Variants in KMT2C observed in about 807,000 individuals in gnomAD.
KMT2C encodes lysine methyltransferase 2C.
Under a neutral mutation model 507.9 loss-of-function variants are expected in KMT2C, and 88 were observed. The observed-to-expected ratio is 0.17, with a 90% CI of 0.15 to 0.21. KMT2C has a LOEUF of 0.21. Ranked by LOEUF, KMT2C falls within the 10% of genes least tolerant of loss-of-function variation. The pLI, the probability that KMT2C is intolerant of heterozygous loss-of-function variation, is 1.00. For missense variants in KMT2C, 4,954 were observed against 5,957.8 expected, an observed-to-expected ratio of 0.83 and a Z score of 5.55; for synonymous variants, 2,049 against 2,080.8, an observed-to-expected ratio of 0.98 and a Z score of 0.42.
intron 1 of KMT2C, among the ~76,000 whole-genome samples, chr7:152,430,866 T>G (rs2097857547): frequency 6.6e-6 from 1 of 152,106 alleles, no homozygotes; most frequent in Non-Finnish European, 1.5e-5. Context: ...ACTGACCAAT[T>G]TTCACCTTGG....
At chr7:152,262,514 C>T (rs546681218) in intron 9 of KMT2C, among the ~76,000 whole-genome samples, 12 of 152,296 alleles carry the variant, frequency 7.9e-5, no homozygotes, top group Non-Finnish European at 8.8e-5. Context: ...ATGAGCTCAT[C>T]GGCATTTTTT....
At chr7:152,435,003 G>C (rs2097903132) in intron 1 of KMT2C, among the ~76,000 whole-genome samples, 1 of 152,156 alleles carries the variant, frequency 6.6e-6, no homozygotes. Context: ...CGGGAGTGCG[G>C]TGCTGGGTGT....
chr7:152,419,534 A>C (rs889756132), intron 1 of KMT2C, among the ~76,000 whole-genome samples: 2 of 152,200 alleles, frequency 1.3e-5, no homozygotes, highest in African/African-American at 4.8e-5. Context: ...ACATGCAAAA[A>C]ATCATTAGTT....
chr7:152,286,677 G>A (rs1193088796), intron 6 of KMT2C, among the ~76,000 whole-genome samples: 4 of 152,034 alleles, frequency 2.6e-5, no homozygotes, highest in South Asian at 2.1e-4. Flanking sequence ...ACCCTTAGCC[G>A]TGATACATAA....
intron 23 of KMT2C, among the ~76,000 whole-genome samples, chr7:152,215,428 G>A (rs2094549161): frequency 6.7e-6 from 1 of 148,728 alleles, no homozygotes; most frequent in African/African-American, 2.5e-5. Flanking sequence ...GCAGGAGAAT[G>A]GCGTGAACCC....
Position 152,163,702 on chromosome 7 carries a change from G to A in KMT2C, c.9875C>T (p.Pro3292Leu), listed in dbSNP as rs965835568. ...PSVQPQPPLI[P>L]GATPPTMSQP... ...GCTCATGGTGGGTGGAGTGGCACCTGGAATTAGGGGTGGCTGGGGCTGGAC... is the reference window on the plus strand; with the variant it reads ...GCTCATGGTGGGTGGAGTGGCACCTAGAATTAGGGGTGGCTGGGGCTGGAC... Residue 3292 changes from proline (P) to leucine (L), a missense_variant, in exon 43 of 59, where the codon CCA (proline) becomes CTA (leucine). By Grantham distance (98) the Pro-to-Leu change is moderately conservative (BLOSUM62 -3). Transcript: ENST00000262189. The A allele has an allele frequency of 2.5e-6, 4 of 1,614,096 alleles. No homozygotes were observed. In the Admixed American group the frequency reaches 5.0e-5, roughly 20 times the overall value.
At chr7:152,278,361 A>T (rs1245158535) in intron 6 of KMT2C, among the ~76,000 whole-genome samples, 2 of 151,776 alleles carry the variant, frequency 1.3e-5, no homozygotes, top group Non-Finnish European at 2.9e-5. Flanking sequence ...GCTCACTGCA[A>T]CCTCTGCCCC....
rs189448070 is a variant in KMT2C, at chr7:152,192,399, G to A, written c.4660+1610C>T. ...CTACTAAAAATACAAAAAATTAGCCGGGCACAGTGGCAGGCACCTGTAATC... is the reference window on the plus strand; with the variant it reads ...CTACTAAAAATACAAAAAATTAGCCAGGCACAGTGGCAGGCACCTGTAATC... On this transcript the variant is annotated intron_variant, in intron 31 of 58. Coordinates refer to ENST00000262189, the MANE Select transcript of KMT2C (RefSeq NM_170606.3). Among the ~76,000 whole-genome samples, 864 of 151,984 alleles carry A rather than the reference G, an allele frequency of 5.7e-3. 3 individuals carry two copies. Among genetic ancestry groups the A allele is most frequent in the Non-Finnish European group, 8.0e-3 (542 of 67,948 alleles).
At chr7:152,222,348 T>A (rs534432648) in intron 21 of KMT2C, among the ~76,000 whole-genome samples, 1 of 152,228 alleles carries the variant, frequency 6.6e-6, no homozygotes, top group African/African-American at 2.4e-5. Flanking sequence ...AAAATTATAG[T>A]TTACATCTAA....
intron 27 of KMT2C, among the ~76,000 whole-genome samples, chr7:152,196,317 T>C (rs1479675375): frequency 6.6e-6 from 1 of 151,930 alleles, no homozygotes; most frequent in Non-Finnish European, 1.5e-5. Context: ...GAAAAAAAAG[T>C]TTTTCATTAA....
intron 13 of KMT2C, 62 bp downstream of exon 13, chr7:152,249,814 T>C (rs2095535974): frequency 1.9e-6 from 2 of 1,034,994 alleles, no homozygotes; most frequent in African/African-American, 1.6e-5. Flanking sequence ...CAAAAATGTC[T>C]TTGGGATAAA....
At chr7:152,196,554 T>C (rs1430507627) in intron 27 of KMT2C, among the ~76,000 whole-genome samples, 6 of 152,182 alleles carry the variant, frequency 3.9e-5, no homozygotes, top group Non-Finnish European at 8.8e-5. Context: ...CACAGAACTG[T>C]GTCTATGGAT....
intron 4 of KMT2C, 143 bp from the exon 5 acceptor site, chr7:152,312,089 G>C (rs1017579760): frequency 1.8e-5 from 10 of 541,536 alleles, no homozygotes; most frequent in Admixed American, 3.4e-5. Context: ...GAATTCATCT[G>C]TTAGTATTAT....
chr7:152,416,312 G>A (rs371751570), intron 1 of KMT2C, among the ~76,000 whole-genome samples: 67 of 152,158 alleles, frequency 4.4e-4, no homozygotes, highest in African/African-American at 1.5e-3. Context: ...TTGGGAGGCC[G>A]AGGCGGGCAG....
At chr7:152,155,775 G>T (rs1161143200) in intron 46 of KMT2C, 135 bp downstream of exon 46, 2 of 863,192 alleles carry the variant, frequency 2.3e-6, no homozygotes, top group Non-Finnish European at 1.7e-6. Flanking sequence ...TTTAAATCCT[G>T]AAGATTATTC....
intron 1 of KMT2C, among the ~76,000 whole-genome samples, chr7:152,417,904 A>G (rs2097755171): frequency 6.7e-6 from 1 of 148,466 alleles, no homozygotes; most frequent in South Asian, 2.2e-4. Context: ...GGCCTCCCAA[A>G]GTGCTGGGAT....
intron 3 of KMT2C, among the ~76,000 whole-genome samples, chr7:152,319,469 C>T (rs770417478): frequency 2.0e-5 from 3 of 152,096 alleles, no homozygotes; most frequent in Non-Finnish European, 4.4e-5. Flanking sequence ...TTGGTCCCAG[C>T]GTCTGGGAAG....
chr7:152,261,786 A>G (rs184321510), intron 9 of KMT2C, among the ~76,000 whole-genome samples: 11 of 152,318 alleles, frequency 7.2e-5, no homozygotes, highest in Admixed American at 3.3e-4. Flanking sequence ...CTGAGTGAAG[A>G]TAAGAGTGTA....
chr7:152,341,381 T>A (rs1472341549), intron 2 of KMT2C, among the ~76,000 whole-genome samples: 2 of 152,238 alleles, frequency 1.3e-5, no homozygotes, highest in Non-Finnish European at 2.9e-5. Flanking sequence ...GTATGGCTTA[T>A]CAAAGACATA....
Sources: allele counts gnomAD v4.1 joint callset (sites outside exome capture counted in the v4.1 genomes callset), GRCh38; gene constraint gnomAD v4.1.1; transcripts MANE v1.5; gene names NCBI Gene and HGNC (gene_info 2026-07-23, HGNC 2026-07-21).